The following MAN1A2 variants were observed in gnomAD, a reference collection of about 807,000 sequenced individuals.
The protein encoded by MAN1A2 is mannosyl-oligosaccharide 1,2-alpha-mannosidase IB.
In MAN1A2, 26 loss-of-function variants were observed where a neutral mutation model predicts 75.7. The ratio of observed to expected loss-of-function variants is 0.34; its 90% confidence interval spans 0.25 to 0.48. MAN1A2 has a LOEUF of 0.48. MAN1A2 is among the 20% of genes least tolerant of loss of function. MAN1A2 has a pLI of 0.99. For synonymous variants in MAN1A2, 247 were observed against 264.6 expected (o/e 0.93, Z 0.65); for missense variants, 562 against 775.5 (o/e 0.72, Z 3.27).
At chr1:117,410,698 A>C (rs1418400172) in intron 3 of MAN1A2, among the ~76,000 whole-genome samples, 1 of 151,708 alleles carries the variant, frequency 6.6e-6, no homozygotes, top group Non-Finnish European at 1.5e-5. Context: ...ATAATTGCCC[A>C]CAGAGAGAAT....
chr1:117,400,151 A>G (rs1647374283), intron 1 of MAN1A2, among the ~76,000 whole-genome samples: 1 of 151,880 alleles, frequency 6.6e-6, no homozygotes, highest in Non-Finnish European at 1.5e-5. Context: ...TCAGGGACCA[A>G]CCTTAGTTCC....
Position 117,368,214 on chromosome 1 carries a change from G to T in MAN1A2, c.31G>T (p.Gly11Ter). The change falls in exon 1 of 13, where the codon GGA (glycine) becomes TGA (stop). Residue 11 changes from glycine to a stop codon, truncating the protein, a stop_gained. Transcript: ENST00000356554. LOFTEE classifies it high-confidence loss of function. The part of the protein sequence containing the change: MTTPALLPLS[G>*]RRIPPLNLGP... ...TACCCCAGCCCTGCTGCCCCTCTCT[G>T]GACGTAGGATACCACCTCTGAACCT... The T allele has an allele frequency of 6.2e-7, 1 of 1,613,824 alleles. No homozygotes were observed. The highest frequency in any genetic ancestry group is 8.5e-7 in the Non-Finnish European group (1 of 1,179,942).
At chr1:117,428,148 C>T (rs1648441968) in intron 5 of MAN1A2, among the ~76,000 whole-genome samples, 2 of 150,742 alleles carry the variant, frequency 1.3e-5, no homozygotes, top group South Asian at 2.1e-4. Flanking sequence ...GAGTCTCACT[C>T]TTGTCACCCA....
intron 8 of MAN1A2, among the ~76,000 whole-genome samples, chr1:117,474,962 A>G (rs1451006782): frequency 6.6e-6 from 1 of 151,764 alleles, no homozygotes; most frequent in East Asian, 1.9e-4. Flanking sequence ...TGTACTCTTT[A>G]TGTGGCTTCT....
intron 6 of MAN1A2, among the ~76,000 whole-genome samples, chr1:117,455,852 C>T (rs898620404): frequency 1.3e-5 from 2 of 151,328 alleles, no homozygotes; most frequent in South Asian, 2.1e-4. Context: ...GAGTATATTA[C>T]ATATCCTCTC....
intron 1 of MAN1A2, among the ~76,000 whole-genome samples, chr1:117,369,343 CAA>C (rs2101710357): frequency 6.6e-6 from 1 of 152,250 alleles, no homozygotes; most frequent in Non-Finnish European, 1.5e-5. Flanking sequence ...TATTTGTACT[CAA>C]GAGTTTGGGA....
At chr1:117,502,465 C>G (rs1209528292) in intron 11 of MAN1A2, among the ~76,000 whole-genome samples, 2 of 151,526 alleles carry the variant, frequency 1.3e-5, no homozygotes, top group African/African-American at 4.8e-5. Context: ...ATTGTTTGTC[C>G]TTGGAAGTGA....
At chr1:117,378,287 T>C (rs1653221439) in intron 1 of MAN1A2, among the ~76,000 whole-genome samples, 1 of 152,198 alleles carries the variant, frequency 6.6e-6, no homozygotes, top group South Asian at 2.1e-4. Context: ...ATTGTCATTG[T>C]CAGTGCATGG....
intron 1 of MAN1A2, among the ~76,000 whole-genome samples, chr1:117,381,006 C>T (rs1418992955): frequency 6.6e-6 from 1 of 152,050 alleles, no homozygotes; most frequent in Admixed American, 6.6e-5. Flanking sequence ...AGGATATCTT[C>T]CCATTTTTGA....
In MAN1A2 at chr1:117,458,524, T is replaced by TAATAA. The variant is rs373076182; in HGVS notation, c.951-1965_951-1964insAATAA. 1.5e-4 allele frequency among the ~76,000 whole-genome samples: 11 copies of TAATAA among 71,686 alleles called. No individual in the cohort carries two copies. In the Admixed American group the frequency reaches 1.8e-3, roughly 12 times the overall value. The allele number at this position is 71,686 out of a possible 152,430, so 47.0% of individuals were successfully genotyped here. A position where few individuals can be genotyped will look rare whatever the true frequency, so the allele number is the denominator to read the frequency against. ...ATATATATATATAGATATATATATA[T>TAATAA]TTTTTTTTTTTTTTTTGAGACAGAG... On this transcript the variant is annotated intron_variant, in intron 6 of 12. Coordinates refer to ENST00000356554, the MANE Select transcript of MAN1A2 (RefSeq NM_006699.5).
rs549827938 is a variant in MAN1A2, at chr1:117,487,059, T to G, written c.1169-6088T>G. ...AATTATACTGGATGTTAGAAGGTAT[T>G]GGAATGGTACTTTCAAGAAGCTCTG... On this transcript the variant is annotated intron_variant, in intron 8 of 12. Transcript: ENST00000356554. Among the ~76,000 whole-genome samples, 10 of 152,130 alleles carry G rather than the reference T, an allele frequency of 6.6e-5. No homozygotes were observed. The East Asian group carries it at 1.9e-3, about 30-fold the overall frequency.
At chr1:117,500,990 G>A (rs532508354) in intron 11 of MAN1A2, among the ~76,000 whole-genome samples, 122 of 151,920 alleles carry the variant, frequency 8.0e-4, no homozygotes, top group African/African-American at 2.8e-3. Context: ...CAGGAATGAG[G>A]GGGATATGTC....
At chr1:117,405,294 A>G (rs1647577214) in intron 2 of MAN1A2, among the ~76,000 whole-genome samples, 1 of 152,162 alleles carries the variant, frequency 6.6e-6, no homozygotes. Flanking sequence ...TCTCAAAAGG[A>G]AAGAATGCCA....
intron 6 of MAN1A2, among the ~76,000 whole-genome samples, chr1:117,450,223 C>G (rs912481609): frequency 1.3e-5 from 2 of 152,172 alleles, no homozygotes; most frequent in African/African-American, 4.8e-5. Context: ...GCAAAGGTGA[C>G]TCTTGTTATG....
At chr1:117,407,209 A>G (rs1263288075) in intron 3 of MAN1A2, among the ~76,000 whole-genome samples, 1 of 152,086 alleles carries the variant, frequency 6.6e-6, no homozygotes, top group Non-Finnish European at 1.5e-5. Context: ...CAGCCAGATA[A>G]GCTAAGTAGG....
At chr1:117,454,100 C>T (rs1649503269) in intron 6 of MAN1A2, among the ~76,000 whole-genome samples, 1 of 152,100 alleles carries the variant, frequency 6.6e-6, no homozygotes, top group South Asian at 2.1e-4. Context: ...TAAAAGGCTA[C>T]AGTATAATGT....
chr1:117,408,489 A>T (rs568526936), intron 3 of MAN1A2, among the ~76,000 whole-genome samples: 52 of 148,280 alleles, frequency 3.5e-4, no homozygotes, highest in Middle Eastern at 7.1e-3. Context: ...GTGTGTGTGT[A>T]TTTATATGTA....
At position 117,450,399 on chromosome 1, in the gene MAN1A2, C is replaced by A. The variant is rs192881050; in HGVS notation, c.950+8074C>A. On this transcript the variant is annotated intron_variant, in intron 6 of 12. Transcript: ENST00000356554. ...AAGGCATTCAGTTTTATAAGGGAAG[C>A]AGAGCATAGAAGTTCAGAAAATTTG... is the stretch of plus-strand genomic sequence containing the variant. Among the ~76,000 whole-genome samples, 109 of 152,236 alleles carry A rather than the reference C, an allele frequency of 7.2e-4. 1 individual carries two copies. The highest frequency in any genetic ancestry group is 2.6e-3 in the African/African-American group (108 of 41,550).
intron 5 of MAN1A2, among the ~76,000 whole-genome samples, chr1:117,429,738 G>A (rs1373338882): frequency 8.8e-6 from 1 of 113,398 alleles, no homozygotes; most frequent in African/African-American, 3.4e-5. Flanking sequence ...TCCCGGACGG[G>A]GCGGCTGGCC....
Sources: gnomAD v4.1 joint callset for allele counts (sites outside exome capture counted in the v4.1 genomes callset) on GRCh38, gnomAD v4.1.1 for gene constraint, MANE v1.5 for transcripts, NCBI Gene and HGNC (gene_info 2026-07-23, HGNC 2026-07-21) for gene names.